The following ABR variants were observed in gnomAD, a reference collection of about 807,000 sequenced individuals.
The protein encoded by ABR is ABR activator of RhoGEF and GTPase, also known as active breakpoint cluster region-related protein.
ABR carries 35 observed loss-of-function variants against 107.2 expected under a neutral mutation model. The ratio of observed to expected loss-of-function variants is 0.33; its 90% CI spans 0.25 to 0.43. ABR has a LOEUF of 0.43. ABR is among the 20% of genes least tolerant of loss of function. The pLI is 1.00. For synonymous variants in ABR, 498 were observed against 462.0 expected, an observed-to-expected ratio of 1.08 and a Z score of -1.00; for missense variants, 815 against 1,115.2, an observed-to-expected ratio of 0.73 and a Z score of 3.83.
intron 16 of ABR, among the ~76,000 whole-genome samples, chr17:1,026,320 G>C (rs1284086983): frequency 1.3e-5 from 2 of 152,238 alleles, no homozygotes; most frequent in Admixed American, 1.3e-4. Context: ...TGAGCCTGAG[G>C]GGCTGGGGAC....
intron 9 of ABR, among the ~76,000 whole-genome samples, chr17:1,068,516 C>T (rs2034948602): frequency 1.3e-5 from 2 of 152,232 alleles, no homozygotes; most frequent in African/African-American, 2.4e-5. Context: ...GTCCCACAGA[C>T]ACGGGTTTGA....
chr17:1,213,899 G>A (rs1567896568), intron 1 of ABR, among the ~76,000 whole-genome samples: 1 of 151,462 alleles, frequency 6.6e-6, no homozygotes, highest in Non-Finnish European at 1.5e-5. Context: ...TTTGTTTTTT[G>A]TTTTTTGAGA....
Position 1,087,598 on chromosome 17 carries a change from C to T in ABR, c.532-3971G>A, listed in dbSNP as rs940963262. On this transcript the variant is annotated intron_variant, in intron 4 of 22. Transcript: ENST00000302538. ...GGCCTGACCTTAAAAGGGGGCGGGG[C>T]CGGACGGGAGGGAGTTTATTTCCTT... is the stretch of plus-strand genomic sequence containing the variant. Among the ~76,000 whole-genome samples, 3 of 152,080 alleles carry T rather than the reference C, an allele frequency of 2.0e-5. No homozygotes were observed. The South Asian group carries it at 6.2e-4, about 31-fold the overall frequency.
chr17:1,158,541 T>A (rs780637895), intron 1 of ABR, among the ~76,000 whole-genome samples: 32 of 151,800 alleles, frequency 2.1e-4, no homozygotes, highest in Non-Finnish European at 4.0e-4. Flanking sequence ...GACAGGCAGA[T>A]CGCCTGAGGT....
intron 1 of ABR, among the ~76,000 whole-genome samples, chr17:1,213,550 C>T (rs531268375): frequency 1.3e-5 from 2 of 152,010 alleles, no homozygotes; most frequent in East Asian, 1.9e-4. Flanking sequence ...CCACTATGCC[C>T]GGCTAATTTT....
chr17:1,098,835 G>C (rs549930120), intron 3 of ABR, among the ~76,000 whole-genome samples: 5 of 152,218 alleles, frequency 3.3e-5, no homozygotes, highest in Admixed American at 2.6e-4. Context: ...GCCCCGGCTG[G>C]AGTGCAATGG....
Position 1,006,320 on chromosome 17 carries a change from G to A in ABR, c.2491-151C>T, listed in dbSNP as rs1330327352. On this transcript the variant is annotated intron_variant, in intron 22 of 22. Coordinates refer to ENST00000302538, the MANE Select transcript of ABR (RefSeq NM_021962.5). ...CAGGTGTGTTTGCCTTTCTGCAGCC[G>A]TGGAAGGTGCTACGGGGCAGAGGGT... is the stretch of plus-strand genomic sequence containing the variant. 5.3e-5 allele frequency: 39 copies of A among 732,600 alleles called. 1 individual carries two copies. The highest frequency in any genetic ancestry group is 1.1e-4 in the South Asian group (6 of 57,036). The allele number at this position is 732,600 out of a possible 1,614,324, so 45.4% of individuals were successfully genotyped here.
intron 16 of ABR, among the ~76,000 whole-genome samples, chr17:1,042,632 G>A (rs116657436): frequency 0.012 from 1,724 of 147,426 alleles, 43 homozygotes; most frequent in African/African-American, 0.042. Flanking sequence ...CTACATCCAC[G>A]GACAGACAGA....
intron 1 of ABR, among the ~76,000 whole-genome samples, chr17:1,204,119 A>ACC (rs2042742394): frequency 6.6e-6 from 1 of 152,128 alleles, no homozygotes; most frequent in South Asian, 2.1e-4. Flanking sequence ...GGATTCCACC[A>ACC]GGGGCATCTT....
intron 2 of ABR, among the ~76,000 whole-genome samples, chr17:1,121,454 G>A (rs1012531509): frequency 2.4e-4 from 37 of 152,232 alleles, no homozygotes; most frequent in Admixed American, 2.3e-3. Flanking sequence ...GTGCACTTTG[G>A]TGAGCCAGGC....
rs141242979 is a variant in ABR at position 1,050,170 on chromosome 17, G to T, written c.1671C>A (p.Ile557=). 2.5e-6 allele frequency: 4 copies of T among 1,612,594 alleles called. No homozygotes were observed. The highest frequency in any genetic ancestry group is 3.4e-6 in the Non-Finnish European group (4 of 1,179,644). ...TCAGGGACTGGGAGCCCTCCAGCTC[G>T]ATCTCAAACTCCTGGGGAAAGATGG... is the stretch of plus-strand genomic sequence containing the variant. ...AEPKWDEEFE[I]ELEGSQSLRI... Residue 557 remains isoleucine, a synonymous_variant, in exon 16 of 23, where the codon ATC becomes ATA. Transcript: ENST00000302538. This position sits in a 1 kb window ranked among gnomAD's most constrained non-coding sequence, Gnocchi z 4.6.
intron 2 of ABR, among the ~76,000 whole-genome samples, chr17:1,103,488 G>T (rs2258134): frequency 0.66 from 100,095 of 152,074 alleles, 33,653 homozygotes; most frequent in African/African-American, 0.8. Flanking sequence ...ACCGTGAGCT[G>T]TAACTGTAGA....
Position 1,050,682 on chromosome 17 carries a change from G to A in ABR, c.1562-48C>T, listed in dbSNP as rs2032378724. The A allele has an allele frequency of 1.3e-6, 2 of 1,484,470 alleles. No homozygotes were observed. Among genetic ancestry groups the A allele is most frequent in the Admixed American group, 3.4e-5 (2 of 59,572 alleles). 92.0% of individuals were successfully genotyped at this position (1,484,470 alleles called of 1,614,324 possible). A position where few individuals can be genotyped will look rare whatever the true frequency, so the allele number is the denominator to read the frequency against. On this transcript the variant is annotated intron_variant, in intron 14 of 22. Coordinates refer to ENST00000302538, the MANE Select transcript of ABR (RefSeq NM_021962.5). This position sits in a 1 kb window ranked among gnomAD's most constrained non-coding sequence, Gnocchi z 4.6. ...GATACTGAGTGAGTGGGGCCAGGGTGGGGCAGCTGGGGCGGCACTCAGGAT... is the reference window on the plus strand; with the variant it reads ...GATACTGAGTGAGTGGGGCCAGGGTAGGGCAGCTGGGGCGGCACTCAGGAT...
intron 1 of ABR, among the ~76,000 whole-genome samples, chr17:1,134,736 C>G (rs1000814944): frequency 5.3e-5 from 8 of 152,228 alleles, no homozygotes; most frequent in Admixed American, 5.2e-4. Flanking sequence ...GGCTTTGGTG[C>G]CACGCTAAGG....
chr17:1,147,221 A>G (rs1038914678), intron 1 of ABR, among the ~76,000 whole-genome samples: 1 of 152,102 alleles, frequency 6.6e-6, no homozygotes, highest in Non-Finnish European at 1.5e-5. Flanking sequence ...CATATTCCAA[A>G]TGGTGCAGTC....
chr17:1,051,270 C>G lies in ABR; in HGVS notation c.1562-636G>C, dbSNP rs11653269. Among the ~76,000 whole-genome samples the G allele has an allele frequency of 6.6e-6, 1 of 152,208 alleles. No individual in the cohort carries two copies. The highest frequency in any genetic ancestry group is 2.4e-5 in the African/African-American group (1 of 41,520). ...TCGTGCGTCCCTAGTCTCTCTCCCC[C>G]CACGACGTAAACACCATGTGGAGAG... On this transcript the variant is annotated intron_variant, in intron 14 of 22. Coordinates refer to ENST00000302538, the MANE Select transcript of ABR (RefSeq NM_021962.5). The surrounding 1 kb of genome is among the most constrained non-coding windows in gnomAD (Gnocchi z 4.3).
At position 1,197,107 on chromosome 17, in the gene ABR, A is replaced by C. The variant is rs897551760; in HGVS notation, c.838+31686T>G. ...GGACAGACGCATCCTGCAACGCTCCAGAGGGTATCGGATCTCGGGGGCATC... is the reference window on the plus strand; with the variant it reads ...GGACAGACGCATCCTGCAACGCTCCCGAGGGTATCGGATCTCGGGGGCATC... On this transcript the variant is annotated intron_variant, in intron 1 of 22. Transcript: ENST00000574139. Among the ~76,000 whole-genome samples, 7 of 151,396 alleles carry C rather than the reference A, an allele frequency of 4.6e-5. 1 individual carries two copies. Among genetic ancestry groups the C allele is most frequent in the Non-Finnish European group, 1.0e-4 (7 of 67,964 alleles).
At position 1,093,057 on chromosome 17, in the gene ABR, G is replaced by A. The variant is rs532401541; in HGVS notation, c.346-1207C>T. 5.3e-5 allele frequency among the ~76,000 whole-genome samples: 8 copies of A among 151,932 alleles called. No individual in the cohort carries two copies. In the East Asian group the frequency reaches 1.2e-3, roughly 23 times the overall value. ...AGGATGGTCTTGATCTCCTGACCTC[G>A]TGATCCACCCACCTCGGCCTCCCAA... On this transcript the variant is annotated intron_variant, in intron 3 of 22. Coordinates refer to ENST00000302538, the MANE Select transcript of ABR (RefSeq NM_021962.5).
At position 1,050,853 on chromosome 17, in the gene ABR, T is replaced by C. The variant is rs2032409871; in HGVS notation, c.1562-219A>G. Among the ~76,000 whole-genome samples the C allele has an allele frequency of 6.6e-6, 1 of 151,420 alleles. No homozygotes were observed. The highest frequency in any genetic ancestry group is 2.1e-4 in the South Asian group (1 of 4,804). ...CCCCACCTCGGCTCACCCCACACTC[T>C]GCCCTTCCTACCTCAGCCCTCCCCA... is the stretch of plus-strand genomic sequence containing the variant. On this transcript the variant is annotated intron_variant, in intron 14 of 22. Coordinates refer to ENST00000302538, the MANE Select transcript of ABR (RefSeq NM_021962.5). The surrounding 1 kb of genome is among the most constrained non-coding windows in gnomAD (Gnocchi z 4.6).
Sources: gnomAD v4.1 joint callset for allele counts (sites outside exome capture counted in the v4.1 genomes callset) on GRCh38, gnomAD v4.1.1 for gene constraint, Gnocchi (gnomAD v3.1) non-coding constraint, MANE v1.5 for transcripts, NCBI Gene and HGNC (gene_info 2026-07-23, HGNC 2026-07-21) for gene names.